NPHS2: variants seen among roughly 807,000 people sequenced by gnomAD.
NPHS2 encodes podocin.
Under a neutral mutation model 37.1 loss-of-function variants are expected in NPHS2, and 36 were observed. That is an observed-to-expected ratio of 0.97 (90% CI 0.74 to 1.28). The LOEUF (loss-of-function observed/expected upper bound fraction) is 1.28. Ranked by LOEUF, NPHS2 falls within the 50% of genes most tolerant of loss-of-function variation. The pLI, the probability that NPHS2 is intolerant of heterozygous loss-of-function variation, is 0.00. For missense variants in NPHS2, 447 were observed against 488.1 expected (o/e 0.92, Z 0.79); for synonymous variants, 196 against 189.3 (o/e 1.04, Z -0.29).
intron 1 of NPHS2, among the ~76,000 whole-genome samples, chr1:179,569,090 TGG>T (rs1674446262): frequency 1.3e-5 from 2 of 152,114 alleles, no homozygotes; most frequent in Non-Finnish European, 2.9e-5. Context: ...AGCTGAGTTC[TGG>T]TCCTGGATAT....
chr1:179,575,436 G>T (rs1674719772), intron 1 of NPHS2, among the ~76,000 whole-genome samples, 155 bp downstream of exon 1: 1 of 152,120 alleles, frequency 6.6e-6, no homozygotes, highest in Admixed American at 6.5e-5. Flanking sequence ...CAGGTTGCTG[G>T]GTTCCTAACT....
In NPHS2 at chr1:179,551,171, T is replaced by C. The variant is rs1433332351; in HGVS notation, c.*2A>G. On this transcript the variant is annotated 3_prime_UTR_variant, in exon 8 of 8. Transcript: ENST00000367615. ...TTACAGTCACATTATGCCCCATCCTTCCTATAACATGGGAGAGTCTTTCTT... is the reference window on the plus strand; with the variant it reads ...TTACAGTCACATTATGCCCCATCCTCCCTATAACATGGGAGAGTCTTTCTT... 1 of 1,613,990 alleles carries C rather than the reference T, an allele frequency of 6.2e-7. No homozygotes were observed. Among genetic ancestry groups the C allele is most frequent in the Admixed American group, 1.7e-5 (1 of 60,014 alleles).
intron 1 of NPHS2, among the ~76,000 whole-genome samples, chr1:179,574,681 G>T (rs1674686796): frequency 6.6e-6 from 1 of 152,176 alleles, no homozygotes; most frequent in African/African-American, 2.4e-5. Context: ...CTGGTAACTA[G>T]GAAATGTTAA....
chr1:179,562,393 A>G (rs1674176055), intron 2 of NPHS2, among the ~76,000 whole-genome samples: 1 of 152,198 alleles, frequency 6.6e-6, no homozygotes, highest in Admixed American at 6.5e-5. Flanking sequence ...ATGATACGGA[A>G]TTAATCTTTT....
chr1:179,551,689 A>T (rs1226614054), intron 7 of NPHS2: 2 of 536,646 alleles, frequency 3.7e-6, no homozygotes, highest in Non-Finnish European at 6.6e-6. Flanking sequence ...ATGAAGTATT[A>T]GGGGAGTTAT....
chr1:179,567,698 G>C (rs1300656363), intron 1 of NPHS2, among the ~76,000 whole-genome samples: 2 of 152,154 alleles, frequency 1.3e-5, no homozygotes, highest in Non-Finnish European at 2.9e-5. Flanking sequence ...TATTGGCTGT[G>C]GGTTTGTCCT....
intron 1 of NPHS2, among the ~76,000 whole-genome samples, chr1:179,573,329 T>C (rs958173466): frequency 1.3e-5 from 2 of 152,158 alleles, no homozygotes; most frequent in Non-Finnish European, 2.9e-5. Context: ...CTAAAGGCCA[T>C]CCTACGAAAT....
intron 1 of NPHS2, among the ~76,000 whole-genome samples, chr1:179,574,870 C>G (rs1327711095): frequency 6.6e-6 from 1 of 152,236 alleles, no homozygotes; most frequent in Non-Finnish European, 1.5e-5. Flanking sequence ...AGACACCTTT[C>G]TTTGCATTCC....
At position 179,556,905 on chromosome 1, in the gene NPHS2, G is replaced by T; in HGVS notation, c.738+122C>A. The stretch of plus-strand genomic sequence containing the variant: ...TTGGCAACCTCCTAACTAGCTATGA[G>T]CTCCCAAAGGGATGGCCCCTAAGGG... On this transcript the variant is annotated intron_variant, in intron 5 of 7. Coordinates refer to ENST00000367615, the MANE Select transcript of NPHS2 (RefSeq NM_014625.4). The surrounding 1 kb of genome is among the most constrained non-coding windows in gnomAD (Gnocchi z 4.1). 1 of 916,014 alleles carries T rather than the reference G, an allele frequency of 1.1e-6. No individual in the cohort carries two copies. Among genetic ancestry groups the T allele is most frequent in the Non-Finnish European group, 1.7e-6 (1 of 583,398 alleles). 56.7% of individuals were successfully genotyped at this position (916,014 alleles called of 1,614,324 possible).
intron 2 of NPHS2, among the ~76,000 whole-genome samples, chr1:179,561,861 A>AGT (rs1331612209): frequency 6.6e-6 from 1 of 151,958 alleles, no homozygotes; most frequent in East Asian, 1.9e-4. Context: ...ACTGGAGTGC[A>AGT]GTGGCATGAT....
At chr1:179,570,489 A>T (rs1228588597) in intron 1 of NPHS2, among the ~76,000 whole-genome samples, 4 of 152,266 alleles carry the variant, frequency 2.6e-5, no homozygotes, top group African/African-American at 9.6e-5. Context: ...CAGATCGCTC[A>T]TGCTATTGTT....
At chr1:179,569,981 T>C (rs1674489414) in intron 1 of NPHS2, among the ~76,000 whole-genome samples, 1 of 152,240 alleles carries the variant, frequency 6.6e-6, no homozygotes, top group South Asian at 2.1e-4. Flanking sequence ...TAACACTTTT[T>C]CCTTCATTTC....
At chr1:179,557,655 C>T (rs1673989100) in intron 4 of NPHS2, among the ~76,000 whole-genome samples, 1 of 152,074 alleles carries the variant, frequency 6.6e-6, no homozygotes, top group Admixed American at 6.6e-5. Context: ...CTTAACATTT[C>T]CCTTTTTATA....
At chr1:179,572,478 C>T (rs1445415525) in intron 1 of NPHS2, among the ~76,000 whole-genome samples, 1 of 152,170 alleles carries the variant, frequency 6.6e-6, no homozygotes, top group Non-Finnish European at 1.5e-5. Context: ...AGAACACAAG[C>T]TTCTTGGGGT....
rs191773059 is a variant in NPHS2 at position 179,553,943 on chromosome 1, C to T, written c.794+533G>A. Among the ~76,000 whole-genome samples the T allele has an allele frequency of 4.4e-3, 635 of 142,826 alleles. 4 individuals carry two copies. Among genetic ancestry groups the T allele is most frequent in the Non-Finnish European group, 4.3e-3 (286 of 66,612 alleles). 93.7% of individuals were successfully genotyped at this position (142,826 alleles called of 152,430 possible). ...TTTTTTTTTTTTTGAGATCGAGTCT[C>T]GCTCTGTGGTCGTGGCTGAAGCACA... On this transcript the variant is annotated intron_variant, in intron 6 of 7. Coordinates refer to ENST00000367615, the MANE Select transcript of NPHS2 (RefSeq NM_014625.4).
At chr1:179,570,575 A>G (rs1027204709) in intron 1 of NPHS2, among the ~76,000 whole-genome samples, 14 of 152,294 alleles carry the variant, frequency 9.2e-5, no homozygotes, top group Admixed American at 6.5e-5. Context: ...TCCCGTAGAC[A>G]CACAACCTTC....
chr1:179,558,757 G>T (rs1466729979), intron 4 of NPHS2, among the ~76,000 whole-genome samples: 1 of 151,786 alleles, frequency 6.6e-6, no homozygotes, highest in Non-Finnish European at 1.5e-5. Flanking sequence ...TTATTTTCCA[G>T]GTTTTTAAAA....
At chr1:179,555,101 C>T (rs1195702464) in intron 5 of NPHS2, among the ~76,000 whole-genome samples, 3 of 152,142 alleles carry the variant, frequency 2.0e-5, no homozygotes, top group Non-Finnish European at 4.4e-5. Context: ...AGAAATTGGT[C>T]CAGCTGACAC....
At chr1:179,555,195 C>T (rs1280580687) in intron 5 of NPHS2, among the ~76,000 whole-genome samples, 1 of 152,138 alleles carries the variant, frequency 6.6e-6, no homozygotes, top group Non-Finnish European at 1.5e-5. Flanking sequence ...TTTAAGCCAC[C>T]ATGTTTGTGG....
Sources: allele counts gnomAD v4.1 joint callset (sites outside exome capture counted in the v4.1 genomes callset), GRCh38; gene constraint gnomAD v4.1.1; non-coding constraint Gnocchi (gnomAD v3.1); transcripts MANE v1.5; gene names NCBI Gene and HGNC (gene_info 2026-07-23, HGNC 2026-07-21).